Variants in HMCN2 observed in about 807,000 individuals in gnomAD.
HMCN2 encodes the protein hemicentin 2, also known as hemicentin-2.
Under a neutral mutation model 377.5 loss-of-function variants are expected in HMCN2, and 325 were observed. The ratio of observed to expected loss-of-function variants is 0.86; its 90% CI spans 0.79 to 0.94. The LOEUF (loss-of-function observed/expected upper bound fraction) is 0.94, where lower values mean the gene tolerates loss of function less well. HMCN2 is among the 40% of genes least tolerant of loss of function. The probability of loss-of-function intolerance (pLI) is 0.00; values close to 1 mark genes in which losing one functional copy is unlikely to be tolerated. For synonymous variants in HMCN2, 2,007 were observed against 2,046.8 expected (o/e 0.98, Z 0.53); for missense variants, 4,543 against 4,725.3 (o/e 0.96, Z 1.13).
In HMCN2 at chr9:130,361,715, T is replaced by G. The variant is rs1840396796; in HGVS notation, c.5951-293T>G. On this transcript the variant is annotated intron_variant, in intron 38 of 97. Transcript: ENST00000683500. The surrounding 1 kb of genome is among the most constrained non-coding windows in gnomAD (Gnocchi z 4.8). ...CTCCCCATCCCCATAATAAATGACC[T>G]TCTGCTGACCAGAGGCCTGAGTGCG... is the stretch of plus-strand genomic sequence containing the variant. 6.6e-6 allele frequency among the ~76,000 whole-genome samples: 1 copy of G among 152,214 alleles called. No homozygotes were observed.
At chr9:130,335,736 G>T (rs1564792329) in intron 22 of HMCN2, among the ~76,000 whole-genome samples, 1 of 152,026 alleles carries the variant, frequency 6.6e-6, no homozygotes, top group Non-Finnish European at 1.5e-5. Flanking sequence ...AGGTCAGCCT[G>T]TAAGAGGCAG....
rs551556229 is a variant in HMCN2, at chr9:130,394,278, A to G, written c.10502-107A>G. ...GGTGGCAGATGCAAGAACAAGGGCC[A>G]CCAAAATGTGGGAGCAGAGCCCCTG... is the stretch of plus-strand genomic sequence containing the variant. On this transcript the variant is annotated intron_variant, in intron 68 of 97. Transcript: ENST00000683500. This position sits in a 1 kb window ranked among gnomAD's most constrained non-coding sequence, Gnocchi z 5.1. 3 of 742,330 alleles carry G rather than the reference A, an allele frequency of 4.0e-6. No individual in the cohort carries two copies. The highest frequency in any genetic ancestry group is 5.8e-6 in the Non-Finnish European group (3 of 521,322). 46.0% of individuals were successfully genotyped at this position (742,330 alleles called of 1,614,324 possible).
In HMCN2 at chr9:130,360,010, A is replaced by G. The variant is rs1057052749; in HGVS notation, c.5774-418A>G. ...TGAGGCTGCTGCTTTGGGCTGGTCCATGTTCTCTAATGCCCCCTAGGGGAC... is the reference window on the plus strand; with the variant it reads ...TGAGGCTGCTGCTTTGGGCTGGTCCGTGTTCTCTAATGCCCCCTAGGGGAC... On this transcript the variant is annotated intron_variant, in intron 37 of 97. Coordinates refer to ENST00000683500, the MANE Select transcript of HMCN2 (RefSeq NM_001291815.2). This position sits in a 1 kb window ranked among gnomAD's most constrained non-coding sequence, Gnocchi z 4.7. Among the ~76,000 whole-genome samples the G allele has an allele frequency of 3.3e-5, 5 of 152,004 alleles. No individual in the cohort carries two copies. Among genetic ancestry groups the G allele is most frequent in the African/African-American group, 1.2e-4 (5 of 41,364 alleles).
At position 130,303,861 on chromosome 9, in the gene HMCN2, C is replaced by G. The variant is rs1376622549; in HGVS notation, c.1543+253C>G. On this transcript the variant is annotated intron_variant, in intron 10 of 97. Transcript: ENST00000683500. This position sits in a 1 kb window ranked among gnomAD's most constrained non-coding sequence, Gnocchi z 5.2. ...TTCCTGCCCTGCCCAGCTTTGATCC[C>G]AACTCTGACTTCTCGGGGCTCGGCT... Among the ~76,000 whole-genome samples the G allele has an allele frequency of 6.6e-6, 1 of 152,168 alleles. No individual in the cohort carries two copies. The highest frequency in any genetic ancestry group is 1.5e-5 in the Non-Finnish European group (1 of 68,034).
rs528957448 is a variant in HMCN2, at chr9:130,397,668, G to C, written c.11326+13G>C. 7.8e-7 allele frequency: 1 copy of C among 1,289,620 alleles called. No homozygotes were observed. The highest frequency in any genetic ancestry group is 5.6e-5 in the East Asian group (1 of 18,012). 79.9% of individuals were successfully genotyped at this position (1,289,620 alleles called of 1,614,324 possible). A position where few individuals can be genotyped will look rare whatever the true frequency, so the allele number is the denominator to read the frequency against. ...CTACGGGTCTTGGGTAGGTGGCCTGGGGAAGGCCTTCAGTGTCCAGTCCCT... is the reference window on the plus strand; with the variant it reads ...CTACGGGTCTTGGGTAGGTGGCCTGCGGAAGGCCTTCAGTGTCCAGTCCCT... On this transcript the variant is annotated intron_variant, in intron 74 of 97. Coordinates refer to ENST00000683500, the MANE Select transcript of HMCN2 (RefSeq NM_001291815.2).
At position 130,292,472 on chromosome 9, in the gene HMCN2, C is replaced by T. The variant is rs149552423; in HGVS notation, c.613-2383C>T. ...AAGAACTTTTATGCATCAAAAGTGA[C>T]GGATAATTTGGTTTCTCTGAAGTAC... On this transcript the variant is annotated intron_variant, in intron 4 of 97. Coordinates refer to ENST00000683500, the MANE Select transcript of HMCN2 (RefSeq NM_001291815.2). Among the ~76,000 whole-genome samples, 44 of 152,282 alleles carry T rather than the reference C, an allele frequency of 2.9e-4. 1 individual carries two copies. Among genetic ancestry groups the T allele is most frequent in the South Asian group, 1.9e-3 (9 of 4,828 alleles).
At chr9:130,348,229 G>A (rs1179681774) in intron 26 of HMCN2, among the ~76,000 whole-genome samples, 1 of 152,212 alleles carries the variant, frequency 6.6e-6, no homozygotes, top group African/African-American at 2.4e-5. Context: ...TCACTCAGGG[G>A]GACCCTCCCT....
At chr9:130,326,238 G>C in intron 21 of HMCN2, among the ~76,000 whole-genome samples, 1 of 152,162 alleles carries the variant, frequency 6.6e-6, no homozygotes, top group African/African-American at 2.4e-5. Flanking sequence ...TTGGAATGCT[G>C]TTCCCCCACC....
At chr9:130,371,751 C>T (rs1416756742) in intron 46 of HMCN2, among the ~76,000 whole-genome samples, 1 of 152,216 alleles carries the variant, frequency 6.6e-6, no homozygotes, top group Non-Finnish European at 1.5e-5. Flanking sequence ...GATAGGAATT[C>T]AGAGACTGCA....
rs554270843 is a variant in HMCN2, at chr9:130,280,223, C to T, written c.260-4380C>T. Among the ~76,000 whole-genome samples, 5 of 143,300 alleles carry T rather than the reference C, an allele frequency of 3.5e-5. No homozygotes were observed. In the East Asian group the frequency reaches 6.3e-4, roughly 18 times the overall value. The allele number at this position is 143,300 out of a possible 152,430, so 94.0% of individuals were successfully genotyped here. A position where few individuals can be genotyped will look rare whatever the true frequency, so the allele number is the denominator to read the frequency against. ...GTCACCCAGGCTGGGTGCAGTGGTG[C>T]GCGATCTCGGCTCACTGCAAGCTCC... is the stretch of plus-strand genomic sequence containing the variant. On this transcript the variant is annotated intron_variant, in intron 1 of 97. Transcript: ENST00000683500.
chr9:130,305,881 C>G (rs1008605691), intron 11 of HMCN2, among the ~76,000 whole-genome samples: 1 of 152,190 alleles, frequency 6.6e-6, no homozygotes, highest in Non-Finnish European at 1.5e-5. Context: ...GTTCTAGGAG[C>G]ACAGGGCTCC....
At chr9:130,427,843 G>A (rs1299808612) in intron 92 of HMCN2, among the ~76,000 whole-genome samples, 9 of 152,326 alleles carry the variant, frequency 5.9e-5, no homozygotes, top group Non-Finnish European at 1.5e-5. Flanking sequence ...ATCAGGGGGT[G>A]ATGGGCAGCC....
chr9:130,430,947 T>C lies in HMCN2; in HGVS notation c.14647+343T>C, dbSNP rs79441400. The C allele has an allele frequency of 9.5e-3, 3,595 of 379,298 alleles. 134 individuals carry two copies. The highest frequency in any genetic ancestry group is 0.067 in the African/African-American group (3,258 of 48,896). 23.5% of individuals were successfully genotyped at this position (379,298 alleles called of 1,614,324 possible). A position where few individuals can be genotyped will look rare whatever the true frequency, so the allele number is the denominator to read the frequency against. On this transcript the variant is annotated intron_variant, in intron 95 of 97. Transcript: ENST00000683500. ...AGGGAAAGCAGTCAGGGAGGGAGAT[T>C]TTCAGGGGTGAAGGAGAATGTTCCA...
chr9:130,306,217 C>T lies in HMCN2; in HGVS notation c.1905C>T (p.Pro635=), dbSNP rs967446103. Residue 635 remains proline (P), a synonymous_variant, in exon 12 of 98, where the codon CCC becomes CCT. Coordinates refer to ENST00000683500, the MANE Select transcript of HMCN2 (RefSeq NM_001291815.2). ...VKVSCSASGY[P]TPHISWSRES... ...TCAGCTGCTCAGCCTCTGGATACCC[C>T]ACACCCCACATCTCCTGGAGCCGTG... 2.1e-6 allele frequency: 1 copy of T among 471,104 alleles called. No individual in the cohort carries two copies. The highest frequency in any genetic ancestry group is 4.4e-6 in the Non-Finnish European group (1 of 227,040). 29.2% of individuals were successfully genotyped at this position (471,104 alleles called of 1,614,324 possible).
chr9:130,432,586 C>T (rs1844827319), intron 97 of HMCN2, 31 bp downstream of exon 97: 2 of 1,545,376 alleles, frequency 1.3e-6, no homozygotes, highest in Non-Finnish European at 8.7e-7. Flanking sequence ...GCCTCGTGCC[C>T]TCAGGAAAAG....
At chr9:130,357,270 A>AGGGG (rs1840086597) in intron 34 of HMCN2, among the ~76,000 whole-genome samples, 1 of 117,626 alleles carries the variant, frequency 8.5e-6, no homozygotes, top group African/African-American at 3.3e-5. Context: ...AGATGGATGA[A>AGGGG]TGGGTGGGTG....
intron 1 of HMCN2, among the ~76,000 whole-genome samples, chr9:130,272,886 AT>A (rs1201835570): frequency 6.6e-6 from 1 of 152,118 alleles, no homozygotes; most frequent in Non-Finnish European, 1.5e-5. Flanking sequence ...CATATTCTTC[AT>A]TTGCAAAAGC....
intron 4 of HMCN2, among the ~76,000 whole-genome samples, chr9:130,292,981 TCTATCTATCTATCTATCTAC>T (rs1300021811): frequency 1.8e-4 from 26 of 141,702 alleles, no homozygotes; most frequent in East Asian, 4.7e-4. Flanking sequence ...TATCTATCTA[TCTATCTATCTATCTATCTAC>T]CTACCTACCT....
chr9:130,340,240 C>A (rs1838975002), intron 23 of HMCN2, among the ~76,000 whole-genome samples: 1 of 152,240 alleles, frequency 6.6e-6, no homozygotes, highest in Non-Finnish European at 1.5e-5. Flanking sequence ...AGCGGTGATG[C>A]CCAGCTGGAG....
Sources: allele counts gnomAD v4.1 joint callset (sites outside exome capture counted in the v4.1 genomes callset), GRCh38; gene constraint gnomAD v4.1.1; non-coding constraint Gnocchi (gnomAD v3.1); transcripts MANE v1.5; gene names NCBI Gene and HGNC (gene_info 2026-07-23, HGNC 2026-07-21).